The following GAD2 variants were observed in gnomAD, a reference collection of about 807,000 sequenced individuals.
The protein encoded by GAD2 is 65 kDa glutamic acid decarboxylase.
In GAD2, 22 loss-of-function variants were observed where a neutral mutation model predicts 80.1. The ratio of observed to expected loss-of-function variants is 0.27; its 90% CI spans 0.20 to 0.39. GAD2 has a LOEUF of 0.39. GAD2 is among the 10% of genes least tolerant of loss of function. The pLI, the probability that GAD2 is intolerant of heterozygous loss-of-function variation, is 1.00. For missense variants in GAD2, 624 were observed against 738.4 expected, an observed-to-expected ratio of 0.85 and a Z score of 1.80; for synonymous variants, 274 against 256.9, an observed-to-expected ratio of 1.07 and a Z score of -0.64.
chr10:26,229,926 G>T (rs1844578191), intron 7 of GAD2, 149 bp downstream of exon 7: 3 of 609,568 alleles, frequency 4.9e-6, no homozygotes, highest in South Asian at 4.1e-5. Context: ...GTGGTACTAT[G>T]GGGTGTCCTC....
At chr10:26,254,364 G>T (rs571569482) in intron 8 of GAD2, among the ~76,000 whole-genome samples, 1 of 152,202 alleles carries the variant, frequency 6.6e-6, no homozygotes, top group Non-Finnish European at 1.5e-5. Context: ...TTCACAGCAG[G>T]GTTCCTGCTC....
At chr10:26,234,322 C>T (rs1040665171) in intron 7 of GAD2, among the ~76,000 whole-genome samples, 3 of 135,644 alleles carry the variant, frequency 2.2e-5, no homozygotes, top group Admixed American at 7.7e-5. Flanking sequence ...AGTGAGACTC[C>T]GTCAAAAAAA....
At chr10:26,265,126 T>C (rs1312462348) in intron 8 of GAD2, among the ~76,000 whole-genome samples, 1 of 152,136 alleles carries the variant, frequency 6.6e-6, no homozygotes, top group Non-Finnish European at 1.5e-5. Flanking sequence ...TGTTTCCTGC[T>C]GGTGATTCTA....
chr10:26,274,113 T>A (rs932409685), intron 11 of GAD2, among the ~76,000 whole-genome samples: 1 of 152,216 alleles, frequency 6.6e-6, no homozygotes, highest in East Asian at 1.9e-4. Context: ...AATAATAATT[T>A]TTCAAAGCAA....
intron 7 of GAD2, among the ~76,000 whole-genome samples, chr10:26,245,323 A>G (rs1191579005): frequency 6.6e-6 from 1 of 152,082 alleles, no homozygotes. Context: ...ACCATGGCAC[A>G]CGTTTACCTA....
At chr10:26,293,270 C>T (rs1055235576) in intron 15 of GAD2, among the ~76,000 whole-genome samples, 2 of 149,840 alleles carry the variant, frequency 1.3e-5, no homozygotes, top group African/African-American at 2.5e-5. Flanking sequence ...CTCCACCTCC[C>T]GGGTTCAAGC....
In GAD2 at chr10:26,216,824, C is replaced by T. The variant is rs201811839; in HGVS notation, c.15C>T (p.Gly5=). ...CTCCAAAGCCGATGGCATCTCCGGG[C>T]TCTGGCTTTTGGTCTTTCGGGTCGG... MASP[G]SGFWSFGSED... is the part of the protein sequence containing the mutation. The change falls in exon 1 of 16, where the codon GGC becomes GGT. Residue 5 remains glycine, a synonymous_variant. Coordinates refer to ENST00000376261, the MANE Select transcript of GAD2 (RefSeq NM_001134366.2). The surrounding 1 kb of genome is among the most constrained non-coding windows in gnomAD (Gnocchi z 4.7). The T allele has an allele frequency of 7.1e-5, 115 of 1,612,656 alleles. No individual in the cohort carries two copies. Among genetic ancestry groups the T allele is most frequent in the Middle Eastern group, 3.3e-4 (2 of 6,068 alleles).
chr10:26,240,919 C>G (rs1342047290), intron 7 of GAD2, among the ~76,000 whole-genome samples: 2 of 151,684 alleles, frequency 1.3e-5, no homozygotes, highest in Non-Finnish European at 2.9e-5. Flanking sequence ...GCAGGCGCCT[C>G]TAGTCCCAGC....
intron 11 of GAD2, among the ~76,000 whole-genome samples, chr10:26,279,547 G>A (rs998221389): frequency 6.6e-5 from 10 of 152,112 alleles, no homozygotes; most frequent in African/African-American, 1.9e-4. Flanking sequence ...AGAAGGAGAG[G>A]GCCATAAACA....
chr10:26,295,645 T>C (rs1000079364), intron 15 of GAD2, among the ~76,000 whole-genome samples: 2 of 151,948 alleles, frequency 1.3e-5, no homozygotes, highest in Admixed American at 6.6e-5. Context: ...TTAAATCAAT[T>C]AAAATTAAAT....
chr10:26,227,270 T>G (rs535912570), intron 6 of GAD2, among the ~76,000 whole-genome samples: 1 of 152,212 alleles, frequency 6.6e-6, no homozygotes, highest in Non-Finnish European at 1.5e-5. Context: ...CACTTGCTTT[T>G]ACATCCTTTC....
At chr10:26,249,223 G>A (rs1844848573) in intron 8 of GAD2, among the ~76,000 whole-genome samples, 1 of 152,080 alleles carries the variant, frequency 6.6e-6, no homozygotes, top group African/African-American at 2.4e-5. Context: ...CAACACGCCT[G>A]GCTAGTTTTT....
At chr10:26,255,095 G>T (rs550647170) in intron 8 of GAD2, among the ~76,000 whole-genome samples, 5 of 152,334 alleles carry the variant, frequency 3.3e-5, no homozygotes, top group African/African-American at 1.2e-4. Flanking sequence ...GCAGAAGGTG[G>T]CCTGGGAAGG....
chr10:26,283,886 G>A (rs1845300321), intron 12 of GAD2, among the ~76,000 whole-genome samples: 1 of 152,196 alleles, frequency 6.6e-6, no homozygotes, highest in Admixed American at 6.5e-5. Flanking sequence ...TACCGTTGAG[G>A]CTGTGGGGAG....
intron 4 of GAD2, among the ~76,000 whole-genome samples, chr10:26,219,601 C>T (rs186539875): frequency 1.2e-4 from 18 of 152,184 alleles, no homozygotes; most frequent in Admixed American, 9.8e-4. Flanking sequence ...AGAAAGAACT[C>T]AAAGTGGAGA....
chr10:26,224,651 G>A lies in GAD2; in HGVS notation c.724G>A (p.Gly242Ser), dbSNP rs1366988930. The A allele has an allele frequency of 4.4e-6, 7 of 1,592,836 alleles. No homozygotes were observed. The highest frequency in any genetic ancestry group is 6.0e-6 in the Non-Finnish European group (7 of 1,161,512). Residue 242 changes from glycine to serine, a missense_variant and splice_region_variant, in exon 6 of 16, where the codon GGT becomes AGT. Coordinates refer to ENST00000376261, the MANE Select transcript of GAD2 (RefSeq NM_001134366.2). ...CTCTGGCGATGGGATATTTTCTCCCGGTACATGATATTTCAACTTTCTTTG... is the reference window on the plus strand; with the variant it reads ...CTCTGGCGATGGGATATTTTCTCCCAGTACATGATATTTCAACTTTCTTTG... Reference protein sequence around the residue: ...GGSGDGIFSPGGAISNMYAMM... With the variant: ...GGSGDGIFSPSGAISNMYAMM...
chr10:26,257,471 C>T (rs192927446), intron 8 of GAD2, among the ~76,000 whole-genome samples: 63 of 152,324 alleles, frequency 4.1e-4, no homozygotes, highest in Non-Finnish European at 7.2e-4. Flanking sequence ...CAGGGTACCC[C>T]TGCCATTATC....
At chr10:26,247,669 G>A (rs1352122840) in intron 8 of GAD2, among the ~76,000 whole-genome samples, 1 of 152,016 alleles carries the variant, frequency 6.6e-6, no homozygotes, top group Non-Finnish European at 1.5e-5. Flanking sequence ...GCCGAGGCGG[G>A]TGGATAACCT....
chr10:26,282,835 T>A (rs1039787068), intron 12 of GAD2, among the ~76,000 whole-genome samples: 1 of 152,172 alleles, frequency 6.6e-6, no homozygotes, highest in African/African-American at 2.4e-5. Flanking sequence ...AATAAAAATA[T>A]GGACACAGGA....
Sources: gnomAD v4.1 joint callset for allele counts (sites outside exome capture counted in the v4.1 genomes callset) on GRCh38, gnomAD v4.1.1 for gene constraint, Gnocchi (gnomAD v3.1) non-coding constraint, MANE v1.5 for transcripts, NCBI Gene and HGNC (gene_info 2026-07-23, HGNC 2026-07-21) for gene names.